The following HBEGF variants were observed in gnomAD, a reference collection of about 807,000 sequenced individuals.
HBEGF encodes heparin binding EGF like growth factor, also known as proheparin-binding EGF-like growth factor.
HBEGF carries 8 observed loss-of-function variants against 19.5 expected under a neutral mutation model. The ratio of observed to expected loss-of-function variants is 0.41; its 90% CI spans 0.24 to 0.74. The LOEUF is 0.74. Among genes scored for constraint, HBEGF ranks in the 30% least tolerant of loss-of-function variants. The pLI is 0.32. For synonymous variants in HBEGF, 97 were observed against 108.9 expected (o/e 0.89, Z 0.68); for missense variants, 207 against 256.9 (o/e 0.81, Z 1.33).
chr5:140,334,865 A>C (rs1766203836), intron 4 of HBEGF, 117 bp from the exon 5 acceptor site: 1 of 843,870 alleles, frequency 1.2e-6, no homozygotes, highest in Non-Finnish European at 2.0e-6. Context: ...GGAAAAGCCC[A>C]GGCAGTAGGG....
In HBEGF at chr5:140,346,042, C is replaced by T; in HGVS notation, c.89G>A (p.Arg30Gln). Residue 30 changes from arginine (R) to glutamine (Q), a missense_variant, in exon 2 of 6, where the codon CGG becomes CAG. Coordinates refer to ENST00000230990, the MANE Select transcript of HBEGF (RefSeq NM_001945.3). This position sits in a 1 kb window ranked among gnomAD's most constrained non-coding sequence, Gnocchi z 6.1. ...GCTGGTTCCAGCAGCTAGCCCTCTC[C>T]GAAGCCGCTCCAGGCTCTCGCCAGT... Reference protein sequence around the residue: ...LVTGESLERLRRGLAAGTSNP... With the variant: ...LVTGESLERLQRGLAAGTSNP... The T allele has an allele frequency of 6.2e-7, 1 of 1,613,824 alleles. No homozygotes were observed.
In HBEGF at chr5:140,342,851, G is replaced by A. The variant is rs770612951; in HGVS notation, c.221-39C>T. 6 of 1,601,456 alleles carry A rather than the reference G, an allele frequency of 3.7e-6. 1 individual carries two copies. The South Asian group carries it at 6.6e-5, about 18-fold the overall frequency. ...GCACTCTGTTAAAGTCTGACTCTTT[G>A]GGAAGAAAATCAGAAGAGCATAGTG... On this transcript the variant is annotated intron_variant, in intron 2 of 5. Transcript: ENST00000230990.
At chr5:140,339,733 A>G (rs1004239344) in intron 3 of HBEGF, among the ~76,000 whole-genome samples, 13 of 152,144 alleles carry the variant, frequency 8.5e-5, no homozygotes, top group Non-Finnish European at 2.9e-5. Flanking sequence ...TGGTGACACA[A>G]AAAGGGTTTT....
chr5:140,346,154 G>T lies in HBEGF; in HGVS notation c.47-70C>A. 6.4e-7 allele frequency: 1 copy of T among 1,564,808 alleles called. No homozygotes were observed. Among genetic ancestry groups the T allele is most frequent in the Non-Finnish European group, 8.6e-7 (1 of 1,156,148 alleles). On this transcript the variant is annotated intron_variant, in intron 1 of 5. Transcript: ENST00000230990. The surrounding 1 kb of genome is among the most constrained non-coding windows in gnomAD (Gnocchi z 6.1). ...CTGACCAACACGCACCGATGCCGAC[G>T]CCCGTCCGCCAGAGCGCAAGGGCCC...
Position 140,345,956 on chromosome 5 carries a change from G to A in HBEGF, c.175C>T (p.Arg59Trp), listed in dbSNP as rs748847059. The A allele has an allele frequency of 6.8e-6, 11 of 1,614,016 alleles. No homozygotes were observed. The highest frequency in any genetic ancestry group is 4.0e-5 in the African/African-American group (3 of 74,904). The change falls in exon 2 of 6, where the codon CGG becomes TGG. Residue 59 changes from arginine (R) to tryptophan (W), a missense_variant. Physicochemically the swap from Arg to Trp is moderately radical, Grantham distance 101. Transcript: ENST00000230990. ...GCCTCTTGCAAGTCACGGACTTTCC[G>A]GTCCCGGCCGCCTCCTAGGGGTAGC... ...QLLPLGGGRD[R>W]KVRDLQEADL... is the part of the protein sequence containing the mutation.
chr5:140,336,985 C>T (rs761920028), intron 3 of HBEGF, among the ~76,000 whole-genome samples: 1 of 151,960 alleles, frequency 6.6e-6, no homozygotes, highest in African/African-American at 2.4e-5. Context: ...CCCGCCACCA[C>T]GCCCAGCTAA....
rs1180279338 is a variant in HBEGF at position 140,333,935 on chromosome 5, C to CA, written c.*363_*364insT. 1 of 142,624 alleles carries CA rather than the reference C, an allele frequency of 7.0e-6. No homozygotes were observed. The highest frequency in any genetic ancestry group is 1.5e-5 in the Non-Finnish European group (1 of 66,020). The allele number at this position is 142,624 out of a possible 1,614,324, so 8.8% of individuals were successfully genotyped here. A position where few individuals can be genotyped will look rare whatever the true frequency, so the allele number is the denominator to read the frequency against. On this transcript the variant is annotated 3_prime_UTR_variant, in exon 6 of 6. Coordinates refer to ENST00000230990, the MANE Select transcript of HBEGF (RefSeq NM_001945.3). Reference sequence around the variant, plus strand: ...CCTTCTTGCTCTCCTTCTTCTTCTTCTTTTTTTTTTTCAGTCAAAGATCCT... The same window carrying CA: ...CCTTCTTGCTCTCCTTCTTCTTCTTCATTTTTTTTTTTCAGTCAAAGATCCT...
intron 2 of HBEGF, chr5:140,343,151 C>CGAG: frequency 7.9e-6 from 2 of 252,138 alleles, no homozygotes; most frequent in Admixed American, 4.9e-5. Flanking sequence ...CTTACACCCC[C>CGAG]ATCTCCTACT....
chr5:140,334,097 T>C lies in HBEGF; in HGVS notation c.*202A>G, dbSNP rs4150238. ...TGCTTTTGCTTTCTTCTTACCCAGA[T>C]ACCATCGGACATACTCTGTTTGGCA... is the stretch of plus-strand genomic sequence containing the variant. On this transcript the variant is annotated 3_prime_UTR_variant, in exon 6 of 6. Transcript: ENST00000230990. The C allele has an allele frequency of 0.045, 6,951 of 153,038 alleles. 422 individuals carry two copies. The highest frequency in any genetic ancestry group is 0.15 in the African/African-American group (6,053 of 41,514). 9.5% of individuals were successfully genotyped at this position (153,038 alleles called of 1,614,324 possible).
At chr5:140,337,477 C>T (rs1171090886) in intron 3 of HBEGF, among the ~76,000 whole-genome samples, 1 of 152,144 alleles carries the variant, frequency 6.6e-6, no homozygotes, top group Non-Finnish European at 1.5e-5. Context: ...AACCTGGTGG[C>T]CCTCTTTTCT....
intron 4 of HBEGF, 73 bp from the exon 5 acceptor site, chr5:140,334,821 A>G (rs1581110901): frequency 2.1e-5 from 25 of 1,190,302 alleles, no homozygotes; most frequent in Non-Finnish European, 3.1e-5. Flanking sequence ...GGTCCTTCCA[A>G]AGAACTCTGC....
At chr5:140,336,264 C>T (rs1030354268) in intron 3 of HBEGF, among the ~76,000 whole-genome samples, 1 of 152,214 alleles carries the variant, frequency 6.6e-6, no homozygotes, top group African/African-American at 2.4e-5. Context: ...TCCTCTGGTT[C>T]TCTGGGCTGA....
chr5:140,340,418 A>G (rs971522088), intron 3 of HBEGF, among the ~76,000 whole-genome samples: 1 of 152,020 alleles, frequency 6.6e-6, no homozygotes, highest in South Asian at 2.1e-4. Context: ...CGTCTCTACT[A>G]AAAATATAAA....
intron 3 of HBEGF, 68 bp from the exon 4 acceptor site, chr5:140,336,095 G>T: frequency 6.6e-7 from 1 of 1,518,388 alleles, no homozygotes; most frequent in Non-Finnish European, 9.0e-7. Flanking sequence ...TGGCCCACCT[G>T]CATAAGCCAA....
intron 2 of HBEGF, 92 bp downstream of exon 2, chr5:140,345,819 A>C (rs1451976764): frequency 4.7e-6 from 7 of 1,500,424 alleles, no homozygotes; most frequent in Non-Finnish European, 5.5e-6. Flanking sequence ...AATACCCTCA[A>C]CCCACAGTAT....
chr5:140,342,759 C>G lies in HBEGF; in HGVS notation c.274G>C (p.Gly92Arg), dbSNP rs915168436. The G allele has an allele frequency of 6.2e-7, 1 of 1,614,056 alleles. No individual in the cohort carries two copies. The highest frequency in any genetic ancestry group is 1.3e-5 in the African/African-American group (1 of 74,902). ...CCCTTGCCTTTCTTCTTTCTTTTCC[C>G]GTGCTCCTCCTTGTTTGGTGTGGCC... is the stretch of plus-strand genomic sequence containing the variant. ...ALATPNKEEH[G>R]KRKKKGKGLG... The change falls in exon 3 of 6, where the codon GGG becomes CGG. Residue 92 changes from glycine to arginine, a missense_variant. Gly to Arg is a moderately radical substitution (Grantham distance 125, BLOSUM62 -2). This residue lies in a region of HBEGF where 127 missense variants were observed against 132.7 expected (regional missense o/e 0.96). Transcript: ENST00000230990.
Position 140,345,892 on chromosome 5 carries a change from G to A in HBEGF, c.220+19C>T. The A allele has an allele frequency of 6.2e-7, 1 of 1,613,620 alleles. No homozygotes were observed. Among genetic ancestry groups the A allele is most frequent in the South Asian group, 1.1e-5 (1 of 91,054 alleles). The stretch of plus-strand genomic sequence containing the variant: ...CAACAGCCCACCAAGGTCCAAGGAT[G>A]GGGGGCCTCCACACCCACCTCTCAA... On this transcript the variant is annotated intron_variant, in intron 2 of 5. Coordinates refer to ENST00000230990, the MANE Select transcript of HBEGF (RefSeq NM_001945.3).
Position 140,334,674 on chromosome 5 carries a change from T to C in HBEGF, c.*2A>G, listed in dbSNP as rs137862325. 33 of 1,607,886 alleles carry C rather than the reference T, an allele frequency of 2.1e-5. No homozygotes were observed. Among genetic ancestry groups the C allele is most frequent in the Non-Finnish European group, 6.8e-6 (8 of 1,174,540 alleles). On this transcript the variant is annotated 3_prime_UTR_variant, in exon 5 of 6. Transcript: ENST00000230990. ...GAGCGTTACCTTGAGCACAAGTCTCTCTCAGTGGGAATTAGTCATGCCCAA... is the reference window on the plus strand; with the variant it reads ...GAGCGTTACCTTGAGCACAAGTCTCCCTCAGTGGGAATTAGTCATGCCCAA...
intron 3 of HBEGF, among the ~76,000 whole-genome samples, chr5:140,338,230 T>C (rs1766256586): frequency 6.6e-6 from 1 of 152,352 alleles, no homozygotes; most frequent in South Asian, 2.1e-4. Context: ...AGAATAATAA[T>C]TAGCAATCAT....
Sources: allele counts gnomAD v4.1 joint callset (sites outside exome capture counted in the v4.1 genomes callset), GRCh38; gene constraint gnomAD v4.1.1; regional missense constraint gnomAD v4.1.1; non-coding constraint Gnocchi (gnomAD v3.1); transcripts MANE v1.5; gene names NCBI Gene and HGNC (gene_info 2026-07-23, HGNC 2026-07-21).